EGFL6: variants seen among roughly 807,000 people sequenced by gnomAD.
EGFL6 encodes epidermal growth factor-like protein 6.
In EGFL6, 42 loss-of-function variants were observed where a neutral mutation model predicts 43.1. The ratio of observed to expected loss-of-function variants is 0.98; its 90% CI spans 0.76 to 1.26. The LOEUF (loss-of-function observed/expected upper bound fraction) is 1.26. EGFL6 is among the 50% of genes most tolerant of loss of function. EGFL6 has a pLI of 0.00. For synonymous variants in EGFL6, 164 were observed against 163.2 expected, an observed-to-expected ratio of 1.01 and a Z score of -0.04; for missense variants, 429 against 427.8, an observed-to-expected ratio of 1.00 and a Z score of -0.02.
At chrX:13,584,619 A>G (rs2045524735) in intron 1 of EGFL6, among the ~76,000 whole-genome samples, 1 of 111,683 alleles carries the variant, frequency 9.0e-6, no homozygotes, top group African/African-American at 3.3e-5. Flanking sequence ...CCTATTCCCT[A>G]ACGTGTTCCT....
chrX:13,585,141 G>A (rs2045527133), intron 1 of EGFL6, among the ~76,000 whole-genome samples: 1 of 111,627 alleles, frequency 9.0e-6, no homozygotes, highest in South Asian at 3.8e-4. Context: ...CTGTGATGTA[G>A]CCTCTGCCAA....
intron 10 of EGFL6, 42 bp from the exon 11 acceptor site, chrX:13,626,969 C>G (rs376817650): frequency 1.7e-6 from 2 of 1,187,897 alleles, no homozygotes; most frequent in Admixed American, 4.6e-5. Context: ...AAACTCCTTA[C>G]AATTGCCTCA....
intron 11 of EGFL6, among the ~76,000 whole-genome samples, chrX:13,629,381 G>T (rs1353995984): frequency 9.0e-6 from 1 of 111,196 alleles, no homozygotes; most frequent in Non-Finnish European, 1.9e-5. Context: ...AATATAACAT[G>T]GTAGCTTGCA....
At chrX:13,592,658 T>A (rs765323156) in intron 2 of EGFL6, among the ~76,000 whole-genome samples, 1 of 109,418 alleles carries the variant, frequency 9.1e-6, no homozygotes, top group East Asian at 2.9e-4. Context: ...CGAAGTTGAG[T>A]GGGCATTCAT....
chrX:13,627,847 G>A (rs775234676), intron 11 of EGFL6, among the ~76,000 whole-genome samples: 1 of 111,810 alleles, frequency 8.9e-6, no homozygotes, highest in African/African-American at 3.3e-5. Flanking sequence ...GCAGAGGCTT[G>A]CAGTTTTTGT....
At chrX:13,608,105 G>T (rs373244834) in intron 6 of EGFL6, among the ~76,000 whole-genome samples, 2 of 111,862 alleles carry the variant, frequency 1.8e-5, no homozygotes, top group Non-Finnish European at 3.8e-5. Flanking sequence ...AAATTGCTGT[G>T]GGGGAGGGAA....
chrX:13,569,609 CGT>C lies in EGFL6; in HGVS notation c.-252_-251del. 2 of 356,216 alleles carry C rather than the reference CGT, an allele frequency of 5.6e-6. No individual in the cohort carries two copies. Among genetic ancestry groups the C allele is most frequent in the Non-Finnish European group, 9.9e-6 (2 of 201,036 alleles). The allele number at this position is 356,216 out of a possible 1,213,427, so 29.4% of individuals were successfully genotyped here. On this transcript the variant is annotated 5_prime_UTR_variant, in exon 1 of 12. Coordinates refer to ENST00000361306, the MANE Select transcript of EGFL6 (RefSeq NM_015507.4). ...CCGCCCCGCCCTCCCTCGCTCACCC[CGT>C]CCAGCTTCATCCGCAGAGGAGCCTC...
intron 2 of EGFL6, among the ~76,000 whole-genome samples, chrX:13,592,365 C>G (rs2045569303): frequency 1.8e-5 from 2 of 111,871 alleles, no homozygotes; most frequent in Non-Finnish European, 3.8e-5. Flanking sequence ...GCATTTTTCC[C>G]TTATGATTTG....
intron 1 of EGFL6, among the ~76,000 whole-genome samples, chrX:13,578,847 G>A (rs1423831648): frequency 2.7e-5 from 3 of 110,396 alleles, no homozygotes; most frequent in African/African-American, 3.4e-5. Context: ...GTTAATGGGT[G>A]CAGCACACCA....
chrX:13,598,071 T>C (rs78396544), intron 3 of EGFL6, among the ~76,000 whole-genome samples: 1 of 112,218 alleles, frequency 8.9e-6, no homozygotes. Flanking sequence ...CCATTAATGG[T>C]GACAGGCCTC....
At chrX:13,627,397 C>A in intron 11 of EGFL6, 121 bp downstream of exon 11, 1 of 935,704 alleles carries the variant, frequency 1.1e-6, no homozygotes, top group Non-Finnish European at 1.5e-6. Context: ...GACTTTTTCC[C>A]TACACTTAAA....
chrX:13,592,215 TA>T (rs34800412), intron 2 of EGFL6, among the ~76,000 whole-genome samples: 140 of 89,801 alleles, frequency 1.6e-3, no homozygotes, highest in Middle Eastern at 5.6e-3. Flanking sequence ...CTTCAGGGCT[TA>T]AAAAAAAAAA....
chrX:13,589,180 A>G (rs943204927), intron 1 of EGFL6, among the ~76,000 whole-genome samples: 9 of 112,139 alleles, frequency 8.0e-5, no homozygotes, highest in African/African-American at 2.9e-4. Flanking sequence ...AAAAGTGCAG[A>G]GCTCTGGTCT....
chrX:13,611,892 C>T (rs774954483), intron 7 of EGFL6, among the ~76,000 whole-genome samples: 1 of 111,988 alleles, frequency 8.9e-6, no homozygotes, highest in Non-Finnish European at 1.9e-5. Flanking sequence ...ATCTTTGGGT[C>T]ATTTACTATA....
Position 13,589,636 on chromosome X carries a change from G to A in EGFL6, c.155G>A (p.Gly52Asp). Residue 52 changes from glycine to aspartate, a missense_variant, in exon 2 of 12, where the codon GGC becomes GAC. By Grantham distance (94) the Gly-to-Asp change is moderately conservative (BLOSUM62 -1). Transcript: ENST00000361306. ...HYGTKLACCY[G>D]WRRNSKGVCE... ...GGAACTAAACTGGCCTGCTGCTACG[G>A]CTGGAGAAGAAACAGCAAGGGAGTC... The A allele has an allele frequency of 8.3e-7, 1 of 1,210,871 alleles. No individual in the cohort carries two copies. Among genetic ancestry groups the A allele is most frequent in the Non-Finnish European group, 1.1e-6 (1 of 894,940 alleles).
At chrX:13,598,944 A>G (rs1488774161) in intron 3 of EGFL6, among the ~76,000 whole-genome samples, 2 of 102,485 alleles carry the variant, frequency 2.0e-5, no homozygotes, top group African/African-American at 3.5e-5. Context: ...TATATAATTC[A>G]TATATATATA....
chrX:13,625,904 GAAAAAGAAA>G (rs2045777980), intron 10 of EGFL6, among the ~76,000 whole-genome samples: 1 of 27,249 alleles, frequency 3.7e-5, no homozygotes, highest in South Asian at 2.2e-3. Flanking sequence ...AAAAAAAAAA[GAAAAAGAAA>G]AAAAGAAAAG....
At chrX:13,590,331 C>T (rs2045556556) in intron 2 of EGFL6, 1 of 111,674 alleles carries the variant, frequency 9.0e-6, no homozygotes, top group South Asian at 3.8e-4. Flanking sequence ...AAAGTTTTTG[C>T]CTTGTTTTTC....
chrX:13,618,657 A>G (rs1257512432), intron 8 of EGFL6, among the ~76,000 whole-genome samples: 1 of 111,195 alleles, frequency 9.0e-6, no homozygotes, highest in Non-Finnish European at 1.9e-5. Flanking sequence ...GAGGGTTTCC[A>G]TATTAACCCA....
Sources: gnomAD v4.1 joint callset for allele counts (sites outside exome capture counted in the v4.1 genomes callset) on GRCh38, gnomAD v4.1.1 for gene constraint, MANE v1.5 for transcripts, NCBI Gene and HGNC (gene_info 2026-07-23, HGNC 2026-07-21) for gene names.